EPHA4: variants seen among roughly 807,000 people sequenced by gnomAD.
The protein encoded by EPHA4 is EPH receptor A4, also known as ephrin type-A receptor 4.
EPHA4 carries 19 observed loss-of-function variants against 108.3 expected under a neutral mutation model. That is an observed-to-expected ratio of 0.18 (90% CI 0.12 to 0.26). The LOEUF is 0.26. Among genes scored for constraint, EPHA4 ranks in the 10% least tolerant of loss-of-function variants. The pLI, the probability that EPHA4 is intolerant of heterozygous loss-of-function variation, is 1.00. For missense variants in EPHA4, 917 were observed against 1,254.0 expected, an observed-to-expected ratio of 0.73 and a Z score of 4.06; for synonymous variants, 449 against 455.5, an observed-to-expected ratio of 0.99 and a Z score of 0.18.
At chr2:221,498,167 A>T (rs758106934) in intron 4 of EPHA4, among the ~76,000 whole-genome samples, 2 of 152,232 alleles carry the variant, frequency 1.3e-5, no homozygotes, top group Non-Finnish European at 2.9e-5. Context: ...AATGCTAAAC[A>T]GGTCAGCATC....
chr2:221,442,041 AAAG>A (rs1451803268), intron 11 of EPHA4, among the ~76,000 whole-genome samples: 1 of 152,184 alleles, frequency 6.6e-6, no homozygotes, highest in African/African-American at 2.4e-5. Flanking sequence ...ACCTTGAATC[AAAG>A]AAGAAAAGCC....
chr2:221,486,344 C>T (rs1691971750), intron 4 of EPHA4, among the ~76,000 whole-genome samples: 1 of 152,158 alleles, frequency 6.6e-6, no homozygotes, highest in South Asian at 2.1e-4. Flanking sequence ...TTCCTTATTT[C>T]CTTTCCTGCT....
At chr2:221,536,376 C>T (rs912606169) in intron 3 of EPHA4, among the ~76,000 whole-genome samples, 1 of 152,148 alleles carries the variant, frequency 6.6e-6, no homozygotes, top group Non-Finnish European at 1.5e-5. Context: ...GGTTTTTAAT[C>T]CCTGTACTAG....
chr2:221,529,416 C>T (rs1181396342), intron 3 of EPHA4, among the ~76,000 whole-genome samples: 1 of 152,164 alleles, frequency 6.6e-6, no homozygotes, highest in Non-Finnish European at 1.5e-5. Context: ...AACAGCCACC[C>T]CTCCCTGCAG....
chr2:221,435,334 C>T (rs970864745), intron 13 of EPHA4, among the ~76,000 whole-genome samples: 2 of 152,138 alleles, frequency 1.3e-5, no homozygotes, highest in Non-Finnish European at 2.9e-5. Context: ...ACTTTTCTTT[C>T]TCCAACTACT....
chr2:221,454,620 C>A (rs1317703819), intron 8 of EPHA4, among the ~76,000 whole-genome samples: 1 of 152,144 alleles, frequency 6.6e-6, no homozygotes, highest in Non-Finnish European at 1.5e-5. Context: ...GGATGCCGAT[C>A]AGGGAAGAGG....
At position 221,475,175 on chromosome 2, in the gene EPHA4, T is replaced by C. The variant is rs1574594192; in HGVS notation, c.1318+7177A>G. ...CGTGAGCCGCTGCACCAGGCTAACA[T>C]AGAATTATTTAAAAAGAAAATTGCT... On this transcript the variant is annotated intron_variant, in intron 5 of 17. Coordinates refer to ENST00000281821, the MANE Select transcript of EPHA4 (RefSeq NM_004438.5). 2.0e-5 allele frequency among the ~76,000 whole-genome samples: 3 copies of C among 152,180 alleles called. No homozygotes were observed. The Middle Eastern group carries it at 0.01, about 521-fold the overall frequency.
At chr2:221,438,837 T>G (rs2106101610) in intron 11 of EPHA4, among the ~76,000 whole-genome samples, 1 of 152,256 alleles carries the variant, frequency 6.6e-6, no homozygotes, top group South Asian at 2.1e-4. Context: ...TGGCTGATTA[T>G]TTAGACTTCA....
At chr2:221,510,578 G>A (rs1692798321) in intron 3 of EPHA4, among the ~76,000 whole-genome samples, 1 of 152,228 alleles carries the variant, frequency 6.6e-6, no homozygotes, top group Non-Finnish European at 1.5e-5. Flanking sequence ...ACAGAATGCA[G>A]TATAATCCCA....
In EPHA4 at chr2:221,501,175, G is replaced by T. The variant is rs780435960; in HGVS notation, c.824-3C>A. ...CTTGTAATATCCAATTTTGCAAGCT[G>T]CAGGGAAGAAGAAAAAAACAAACAA... On this transcript the variant is annotated splice_region_variant and splice_polypyrimidine_tract_variant and intron_variant, in intron 3 of 17. Coordinates refer to ENST00000281821, the MANE Select transcript of EPHA4 (RefSeq NM_004438.5). 2 of 1,571,016 alleles carry T rather than the reference G, an allele frequency of 1.3e-6. No homozygotes were observed. Among genetic ancestry groups the T allele is most frequent in the Non-Finnish European group, 1.7e-6 (2 of 1,161,668 alleles).
chr2:221,563,585 G>A, intron 3 of EPHA4, 146 bp downstream of exon 3: 1 of 862,530 alleles, frequency 1.2e-6, no homozygotes, highest in South Asian at 1.8e-5. Flanking sequence ...GCCACCTGGA[G>A]CTATAGCACT....
chr2:221,552,153 A>G (rs992079257), intron 3 of EPHA4, among the ~76,000 whole-genome samples: 2 of 152,130 alleles, frequency 1.3e-5, no homozygotes, highest in African/African-American at 4.8e-5. Context: ...TCTTATGCAT[A>G]GGTCTACACA....
At chr2:221,473,552 G>GAAAAA (rs772366510) in intron 5 of EPHA4, among the ~76,000 whole-genome samples, 5 of 109,658 alleles carry the variant, frequency 4.6e-5, no homozygotes, top group African/African-American at 6.9e-5. Context: ...GTGTTTAAAG[G>GAAAAA]AAAAAAAAAA....
At chr2:221,448,319 A>C (rs3770185) in intron 8 of EPHA4, among the ~76,000 whole-genome samples, 52,693 of 151,920 alleles carry the variant, frequency 0.35, 10,913 homozygotes, top group African/African-American at 0.59. Flanking sequence ...GCCCTGATCC[A>C]GCCCACGACT....
intron 17 of EPHA4, chr2:221,421,833 T>G (rs1689770740): frequency 6.6e-6 from 1 of 151,836 alleles, no homozygotes; most frequent in African/African-American, 2.4e-5. Flanking sequence ...TCAAATCACT[T>G]GTCTGTTTTG....
At chr2:221,422,018 C>G (rs1458456535) in intron 17 of EPHA4, 1 of 151,338 alleles carries the variant, frequency 6.6e-6, no homozygotes, top group Non-Finnish European at 1.5e-5. Context: ...GGAGGGAAGA[C>G]TGCTTGAGCC....
chr2:221,550,624 A>G (rs904294967), intron 3 of EPHA4, among the ~76,000 whole-genome samples: 4 of 152,204 alleles, frequency 2.6e-5, no homozygotes, highest in African/African-American at 9.6e-5. Context: ...CCCATTTTAT[A>G]GAAGAGAAAG....
intron 3 of EPHA4, among the ~76,000 whole-genome samples, chr2:221,517,553 G>A (rs1049493078): frequency 5.9e-5 from 9 of 152,138 alleles, no homozygotes; most frequent in Non-Finnish European, 1.3e-4. Context: ...CCTGGACCAG[G>A]GTGGAGGAGG....
intron 3 of EPHA4, among the ~76,000 whole-genome samples, chr2:221,539,144 G>A (rs1693757820): frequency 6.6e-6 from 1 of 152,180 alleles, no homozygotes; most frequent in Non-Finnish European, 1.5e-5. Context: ...AGCAGTAGCA[G>A]GAGTAGGAGT....
Sources: allele counts gnomAD v4.1 joint callset (sites outside exome capture counted in the v4.1 genomes callset), GRCh38; gene constraint gnomAD v4.1.1; transcripts MANE v1.5; gene names NCBI Gene and HGNC (gene_info 2026-07-23, HGNC 2026-07-21).